Variants in GALNT13 observed in about 807,000 individuals in gnomAD.
The protein encoded by GALNT13 is polypeptide N-acetylgalactosaminyltransferase 13, also known as UDP-GalNAc:polypeptide N-acetylgalactosaminyltransferase 13.
GALNT13 carries 28 observed loss-of-function variants against 64.2 expected under a neutral mutation model. The observed-to-expected ratio is 0.44, with a 90% CI of 0.32 to 0.60. The LOEUF is 0.60. Among genes scored for constraint, GALNT13 ranks in the 20% least tolerant of loss-of-function variants. The probability of loss-of-function intolerance (pLI) is 0.05; values close to 1 mark genes in which losing one functional copy is unlikely to be tolerated. For missense variants in GALNT13, 577 were observed against 669.8 expected (o/e 0.86, Z 1.53); for synonymous variants, 214 against 224.6 (o/e 0.95, Z 0.42).
the GALNT13 span, among the ~76,000 whole-genome samples, chr2:153,176,441 A>C: frequency 2.0e-5 from 3 of 152,196 alleles, no homozygotes; most frequent in African/African-American, 7.2e-5. Context: ...GATTAACGTT[A>C]AAGAGAATAA....
chr2:154,090,985 A>G (rs1003163040), intron 3 of GALNT13, among the ~76,000 whole-genome samples: 1 of 151,136 alleles, frequency 6.6e-6, no homozygotes, highest in African/African-American at 2.4e-5. Context: ...TACAAAGATG[A>G]AAAAAAAACC....
At chr2:153,650,506 T>G in the GALNT13 span, among the ~76,000 whole-genome samples, 3 of 152,312 alleles carry the variant, frequency 2.0e-5, no homozygotes, top group Non-Finnish European at 4.4e-5. Flanking sequence ...ATCCTGTCAT[T>G]ATGATGTTAG....
chr2:154,436,437 AT>A (rs1700977843), intron 11 of GALNT13: 1 of 152,234 alleles, frequency 6.6e-6, no homozygotes, highest in South Asian at 2.1e-4. Flanking sequence ...GGCCTGAGCC[AT>A]TAGAAAATTA....
chr2:154,002,158 T>C (rs1695954230), intron 3 of GALNT13, among the ~76,000 whole-genome samples: 1 of 152,112 alleles, frequency 6.6e-6, no homozygotes, highest in African/African-American at 2.4e-5. Context: ...CCTCTTTGGA[T>C]TGAATTTAAT....
the GALNT13 span, among the ~76,000 whole-genome samples, chr2:153,804,452 T>C: frequency 3.3e-5 from 5 of 152,192 alleles, no homozygotes; most frequent in Non-Finnish European, 7.3e-5. Flanking sequence ...GTCGGGATTA[T>C]AGGCATGAGC....
chr2:153,371,235 T>C, the GALNT13 span, among the ~76,000 whole-genome samples: 1 of 152,228 alleles, frequency 6.6e-6, no homozygotes, highest in Non-Finnish European at 1.5e-5. Context: ...ACTTCATATG[T>C]AGTAGTAAAA....
chr2:153,596,780 T>C, the GALNT13 span, among the ~76,000 whole-genome samples: 3 of 152,208 alleles, frequency 2.0e-5, no homozygotes, highest in East Asian at 5.8e-4. Context: ...TATGTATATA[T>C]GTGTGTACAT....
intron 11 of GALNT13, among the ~76,000 whole-genome samples, chr2:154,413,402 T>C (rs1235004661): frequency 6.6e-6 from 1 of 152,008 alleles, no homozygotes; most frequent in African/African-American, 2.4e-5. Context: ...TTTACCCATA[T>C]GGATTTAAAA....
the GALNT13 span, among the ~76,000 whole-genome samples, chr2:153,778,095 C>T: frequency 6.6e-6 from 1 of 152,216 alleles, no homozygotes; most frequent in Non-Finnish European, 1.5e-5. Context: ...TTCCACAAGT[C>T]AATGGCCTGC....
At chr2:154,393,404 G>A (rs373037547) in intron 9 of GALNT13, among the ~76,000 whole-genome samples, 3 of 152,246 alleles carry the variant, frequency 2.0e-5, no homozygotes, top group African/African-American at 7.2e-5. Context: ...CTCACAGTTT[G>A]TTGGCCAGGA....
At chr2:153,679,817 G>A in the GALNT13 span, among the ~76,000 whole-genome samples, 1 of 151,824 alleles carries the variant, frequency 6.6e-6, no homozygotes, top group South Asian at 2.1e-4. Context: ...GATCTCATGT[G>A]CATTCTTTCT....
At chr2:153,651,695 T>C in the GALNT13 span, among the ~76,000 whole-genome samples, 1 of 152,168 alleles carries the variant, frequency 6.6e-6, no homozygotes, top group Non-Finnish European at 1.5e-5. Flanking sequence ...TGTATTATTT[T>C]TCCTTATAGT....
the GALNT13 span, chr2:153,478,105 G>C: frequency 2.8e-6 from 2 of 726,290 alleles, no homozygotes; most frequent in Non-Finnish European, 4.4e-6. Flanking sequence ...GCTTCTTTCC[G>C]AAAGGCCGAA....
the GALNT13 span, among the ~76,000 whole-genome samples, chr2:153,114,112 C>T: frequency 9.2e-3 from 1,396 of 152,172 alleles, 40 homozygotes; most frequent in African/African-American, 0.032. Flanking sequence ...TGGGTTAATG[C>T]TATGGACAGG....
At chr2:153,089,854 A>C in the GALNT13 span, among the ~76,000 whole-genome samples, 1 of 151,626 alleles carries the variant, frequency 6.6e-6, no homozygotes, top group Admixed American at 6.6e-5. Context: ...TGCTTTTTGA[A>C]TTTTTTAAAG....
At chr2:153,072,904 A>G in the GALNT13 span, among the ~76,000 whole-genome samples, 1 of 152,120 alleles carries the variant, frequency 6.6e-6, no homozygotes, top group Non-Finnish European at 1.5e-5. Context: ...GGTTTGCACT[A>G]TCTTCTATTG....
the GALNT13 span, among the ~76,000 whole-genome samples, chr2:153,369,628 G>A: frequency 1.3e-5 from 2 of 152,112 alleles, no homozygotes; most frequent in African/African-American, 4.8e-5. Context: ...CCTCTAATGA[G>A]TAAAATATTC....
the GALNT13 span, among the ~76,000 whole-genome samples, chr2:153,482,968 TG>T: frequency 2.0e-5 from 3 of 152,144 alleles, no homozygotes; most frequent in African/African-American, 4.8e-5. Context: ...AGTCATTAAA[TG>T]AAAAAAGCCA....
At chr2:154,094,056 A>G (rs1347626018) in intron 3 of GALNT13, among the ~76,000 whole-genome samples, 1 of 151,972 alleles carries the variant, frequency 6.6e-6, no homozygotes, top group East Asian at 1.9e-4. Context: ...AAGATACTGC[A>G]TAGTTATCTC....
Sources: allele counts gnomAD v4.1 joint callset (sites outside exome capture counted in the v4.1 genomes callset), GRCh38; gene constraint gnomAD v4.1.1; transcripts MANE v1.5; gene names NCBI Gene and HGNC (gene_info 2026-07-23, HGNC 2026-07-21).